Variants in SCG5 observed in about 807,000 individuals in gnomAD.
SCG5 encodes the protein neuroendocrine protein 7B2.
A neutral mutation model predicts 25.7 loss-of-function variants in SCG5; 18 were observed. The observed-to-expected ratio is 0.70, with a 90% CI of 0.48 to 1.04. The LOEUF (loss-of-function observed/expected upper bound fraction) is 1.04, where lower values mean the gene tolerates loss of function less well. Among genes scored for constraint, SCG5 ranks in the 50% least tolerant of loss-of-function variants. The probability of loss-of-function intolerance (pLI) is 0.00; values close to 1 mark genes in which losing one functional copy is unlikely to be tolerated. For synonymous variants in SCG5, 101 were observed against 91.7 expected (o/e 1.10, Z -0.58); for missense variants, 206 against 259.8 (o/e 0.79, Z 1.42).
intron 2 of SCG5, among the ~76,000 whole-genome samples, chr15:32,651,169 G>A (rs1239535576): frequency 1.3e-5 from 2 of 152,198 alleles, no homozygotes; most frequent in Non-Finnish European, 2.9e-5. Flanking sequence ...TTGCACTCCA[G>A]CGTGGGCAAC....
intron 2 of SCG5, among the ~76,000 whole-genome samples, chr15:32,660,651 C>T (rs191473319): frequency 7.4e-4 from 113 of 152,348 alleles, no homozygotes; most frequent in Non-Finnish European, 5.9e-5. Context: ...GCATGATACC[C>T]CTGCTCCTGT....
chr15:32,693,514 A>G lies in SCG5; in HGVS notation c.543+1751A>G, dbSNP rs560642108. Among the ~76,000 whole-genome samples the G allele has an allele frequency of 3.9e-4, 60 of 152,306 alleles. 1 individual carries two copies. The highest frequency in any genetic ancestry group is 5.9e-4 in the Non-Finnish European group (40 of 68,020). On this transcript the variant is annotated intron_variant, in intron 5 of 5. Coordinates refer to ENST00000300175, the MANE Select transcript of SCG5 (RefSeq NM_001144757.3). ...AGGAAGCACGTTGGCCCTGCCCATC[A>G]TGAGGTCTCAGATGATGTTCCCATC...
At chr15:32,663,080 A>ATATATAT (rs2054262648) in intron 2 of SCG5, among the ~76,000 whole-genome samples, 8 of 77,724 alleles carry the variant, frequency 1.0e-4, no homozygotes, top group African/African-American at 3.6e-4. Flanking sequence ...TATATATATA[A>ATATATAT]TATATAATAT....
At chr15:32,659,670 A>T (rs74413477) in intron 2 of SCG5, among the ~76,000 whole-genome samples, 2 of 152,128 alleles carry the variant, frequency 1.3e-5, no homozygotes, top group African/African-American at 4.8e-5. Flanking sequence ...GACCTTCCTG[A>T]TGCCATCTTT....
rs1567084893 is a variant in SCG5 at position 32,679,935 on chromosome 15, G to A, written c.376+20G>A. 2 of 1,575,290 alleles carry A rather than the reference G, an allele frequency of 1.3e-6. No individual in the cohort carries two copies. Among genetic ancestry groups the A allele is most frequent in the Non-Finnish European group, 8.6e-7 (1 of 1,160,902 alleles). ...AAACAGGTAACAGATATGCCTTTGG[G>A]TTCCCATGAAAAGTTGGGGCTTTGG... On this transcript the variant is annotated intron_variant, in intron 3 of 5. Coordinates refer to ENST00000300175, the MANE Select transcript of SCG5 (RefSeq NM_001144757.3).
At chr15:32,681,485 CTTT>C (rs61387158) in intron 3 of SCG5, among the ~76,000 whole-genome samples, 3 of 140,040 alleles carry the variant, frequency 2.1e-5, no homozygotes, top group Non-Finnish European at 1.5e-5. Context: ...TTTTCTTTTT[CTTT>C]TTTTTTTTTT....
intron 2 of SCG5, among the ~76,000 whole-genome samples, chr15:32,663,032 A>AATATATATATATATAT (rs67571496): frequency 2.5e-5 from 2 of 79,296 alleles, no homozygotes; most frequent in Non-Finnish European, 5.1e-5. Context: ...AAAAAAAAAG[A>AATATATATATATATAT]ATATATATAT....
At chr15:32,678,532 A>G (rs2054566094) in intron 2 of SCG5, among the ~76,000 whole-genome samples, 1 of 152,244 alleles carries the variant, frequency 6.6e-6, no homozygotes, top group Admixed American at 6.5e-5. Flanking sequence ...ATTTTCATAA[A>G]ACCCAATGCT....
Position 32,696,568 on chromosome 15 carries a change from T to G in SCG5, c.598T>G (p.Ser200Ala). 1 of 1,613,238 alleles carries G rather than the reference T, an allele frequency of 6.2e-7. No individual in the cohort carries two copies. Among genetic ancestry groups the G allele is most frequent in the East Asian group, 2.2e-5 (1 of 44,884 alleles). ...QRLDNVVAKK[S>A]VPHFSDEDKD... ...ACTGGATAATGTTGTTGCAAAGAAG[T>G]CTGTCCCCCATTTTTCAGATGAGGA... Residue 200 changes from serine (S) to alanine (A), a missense_variant, in exon 6 of 6, where the codon TCT becomes GCT. Coordinates refer to ENST00000300175, the MANE Select transcript of SCG5 (RefSeq NM_001144757.3).
At chr15:32,666,311 C>T (rs1449404396) in intron 2 of SCG5, 1 of 152,208 alleles carries the variant, frequency 6.6e-6, no homozygotes, top group Non-Finnish European at 1.5e-5. Context: ...AGTAAAGGAA[C>T]TACAAAAGAA....
intron 4 of SCG5, among the ~76,000 whole-genome samples, chr15:32,688,963 A>AAAAAAG (rs1555437388): frequency 2.3e-4 from 32 of 140,318 alleles, no homozygotes; most frequent in Admixed American, 4.3e-4. Context: ...CGTCTCAAAA[A>AAAAAAG]AAAAAAAAAA....
Position 32,697,010 on chromosome 15 carries a change from T to C in SCG5, c.*401T>C, listed in dbSNP as rs370369655. ...TTCATCCAGCCCTTGGGCATTGTTATACACCAGTAAAGAAGGCTGTACTCA... is the reference window on the plus strand; with the variant it reads ...TTCATCCAGCCCTTGGGCATTGTTACACACCAGTAAAGAAGGCTGTACTCA... On this transcript the variant is annotated 3_prime_UTR_variant, in exon 6 of 6. Coordinates refer to ENST00000300175, the MANE Select transcript of SCG5 (RefSeq NM_001144757.3). 22 of 159,688 alleles carry C rather than the reference T, an allele frequency of 1.4e-4. No individual in the cohort carries two copies. The East Asian group carries it at 3.8e-3, about 27-fold the overall frequency. 9.9% of individuals were successfully genotyped at this position (159,688 alleles called of 1,614,324 possible).
intron 2 of SCG5, among the ~76,000 whole-genome samples, chr15:32,675,922 T>G (rs1423295312): frequency 6.6e-6 from 1 of 152,218 alleles, no homozygotes; most frequent in Non-Finnish European, 1.5e-5. Flanking sequence ...TGTTGGTTAG[T>G]GCAGTAAGAT....
chr15:32,657,683 G>A (rs2054147289), intron 2 of SCG5, among the ~76,000 whole-genome samples: 1 of 152,058 alleles, frequency 6.6e-6, no homozygotes, highest in Non-Finnish European at 1.5e-5. Flanking sequence ...TCCTCTTGTG[G>A]GCGTCTCTGG....
rs756287962 is a variant in SCG5, at chr15:32,695,997, A to AT, written c.544-517_544-516insT. ...ACAATTAGAGACATCTATCAGTCAG[A>AT]AAATGTTTCATAGGCCACTGAGGTA... On this transcript the variant is annotated intron_variant, in intron 5 of 5. Coordinates refer to ENST00000300175, the MANE Select transcript of SCG5 (RefSeq NM_001144757.3). Among the ~76,000 whole-genome samples, 15 of 152,368 alleles carry AT rather than the reference A, an allele frequency of 9.8e-5. No homozygotes were observed. The East Asian group carries it at 1.2e-3, about 12-fold the overall frequency.
chr15:32,679,698 G>A (rs1176455704), intron 2 of SCG5, 68 bp from the exon 3 acceptor site: 3 of 1,533,912 alleles, frequency 2.0e-6, no homozygotes, highest in Non-Finnish European at 2.7e-6. Flanking sequence ...TGTGTGATAT[G>A]CCTGAATAAA....
intron 2 of SCG5, among the ~76,000 whole-genome samples, chr15:32,646,472 C>A (rs957886585): frequency 6.6e-6 from 1 of 152,186 alleles, no homozygotes; most frequent in Admixed American, 6.5e-5. Flanking sequence ...AGCCACATGC[C>A]TTCTCATAGC....
chr15:32,661,208 AG>A (rs2054212151), intron 2 of SCG5, among the ~76,000 whole-genome samples: 1 of 152,252 alleles, frequency 6.6e-6, no homozygotes, highest in Non-Finnish European at 1.5e-5. Flanking sequence ...AAGTCAGAGC[AG>A]GGTTTACACC....
intron 2 of SCG5, among the ~76,000 whole-genome samples, chr15:32,675,058 C>T (rs1359254810): frequency 1.3e-5 from 2 of 152,160 alleles, no homozygotes; most frequent in African/African-American, 4.8e-5. Context: ...TGCATGGTAC[C>T]AATTTTATTA....
Sources: allele counts gnomAD v4.1 joint callset (sites outside exome capture counted in the v4.1 genomes callset), GRCh38; gene constraint gnomAD v4.1.1; transcripts MANE v1.5; gene names NCBI Gene and HGNC (gene_info 2026-07-23, HGNC 2026-07-21).